CCDC7: variants seen among roughly 807,000 people sequenced by gnomAD.
CCDC7 encodes the protein coiled-coil domain-containing protein 7.
Under a neutral mutation model 196.9 loss-of-function variants are expected in CCDC7, and 183 were observed. The observed-to-expected ratio is 0.93, with a 90% CI of 0.82 to 1.05. The LOEUF is 1.05. Among genes scored for constraint, CCDC7 ranks in the 50% least tolerant of loss-of-function variants. The pLI, the probability that CCDC7 is intolerant of heterozygous loss-of-function variation, is 0.00. For synonymous variants in CCDC7, 525 were observed against 484.6 expected, an observed-to-expected ratio of 1.08 and a Z score of -1.10; for missense variants, 1,540 against 1,482.2, an observed-to-expected ratio of 1.04 and a Z score of -0.64.
At chr10:32,615,930 T>A (rs1043741330) in intron 18 of CCDC7, among the ~76,000 whole-genome samples, 4 of 152,110 alleles carry the variant, frequency 2.6e-5, no homozygotes, top group African/African-American at 9.6e-5. Context: ...AATTAGGATA[T>A]CTTTTCCTCA....
chr10:32,638,889 T>C (rs545617884), intron 20 of CCDC7, among the ~76,000 whole-genome samples: 2 of 152,334 alleles, frequency 1.3e-5, no homozygotes, highest in African/African-American at 4.8e-5. Context: ...AAGCTATTAA[T>C]TATTGCCTCT....
intron 39 of CCDC7, among the ~76,000 whole-genome samples, chr10:32,850,160 T>C (rs2093493187): frequency 6.6e-6 from 1 of 152,012 alleles, no homozygotes; most frequent in South Asian, 2.1e-4. Flanking sequence ...GAAGAACAAG[T>C]CTGTCCTTTT....
intron 28 of CCDC7, among the ~76,000 whole-genome samples, chr10:32,772,139 G>C (rs1430780214): frequency 6.6e-6 from 1 of 152,180 alleles, no homozygotes; most frequent in African/African-American, 2.4e-5. Context: ...CCTGTGCAGG[G>C]CAAGCAGCAA....
intron 6 of CCDC7, 43 bp from the exon 8 acceptor site, chr10:32,472,438 C>T (rs2133931382): frequency 1.3e-6 from 2 of 1,512,156 alleles, no homozygotes; most frequent in East Asian, 2.4e-5. Flanking sequence ...AACTCTTACT[C>T]TTTGATATAT....
intron 28 of CCDC7, among the ~76,000 whole-genome samples, chr10:32,778,411 A>T (rs1426130129): frequency 6.6e-6 from 1 of 152,234 alleles, no homozygotes; most frequent in East Asian, 1.9e-4. Context: ...ATGGCTTGCC[A>T]GCTATCCCAG....
At chr10:32,692,569 C>G (rs2077209405) in intron 23 of CCDC7, among the ~76,000 whole-genome samples, 2 of 152,124 alleles carry the variant, frequency 1.3e-5, no homozygotes, top group Admixed American at 1.3e-4. Flanking sequence ...CCTGCAGGCT[C>G]ACTAGTACCT....
intron 8 of CCDC7, among the ~76,000 whole-genome samples, chr10:32,486,285 T>G (rs2041070431): frequency 2.0e-5 from 3 of 151,862 alleles, no homozygotes; most frequent in Admixed American, 6.6e-5. Flanking sequence ...CTTTGTTGGT[T>G]TAAAGTCTGT....
Position 32,634,630 on chromosome 10 carries a change from C to T in CCDC7, c.1912+266C>T, listed in dbSNP as rs182707570. Among the ~76,000 whole-genome samples, 267 of 152,144 alleles carry T rather than the reference C, an allele frequency of 1.8e-3. 2 individuals carry two copies. Among genetic ancestry groups the T allele is most frequent in the African/African-American group, 4.8e-3 (199 of 41,522 alleles). ...CAGGCTGGTCTCGAACTCCTGACCT[C>T]GTGATCCACCCACCTTGGCCTCCCA... On this transcript the variant is annotated intron_variant, in intron 19 of 41. Transcript: ENST00000639629.
At chr10:32,818,243 G>T (rs1450220391) in intron 31 of CCDC7, among the ~76,000 whole-genome samples, 1 of 152,130 alleles carries the variant, frequency 6.6e-6, no homozygotes, top group East Asian at 1.9e-4. Flanking sequence ...GATAAAGAAG[G>T]CCATTACATA....
At chr10:32,837,544 AT>A (rs1236596726) in intron 33 of CCDC7, among the ~76,000 whole-genome samples, 1 of 151,762 alleles carries the variant, frequency 6.6e-6, no homozygotes, top group African/African-American at 2.4e-5. Flanking sequence ...AGAACTAGAA[AT>A]ACCATTTGAC....
In CCDC7 at chr10:32,759,544, T is replaced by G. The variant is rs561625993; in HGVS notation, c.2906-19433T>G. Among the ~76,000 whole-genome samples the G allele has an allele frequency of 6.0e-3, 915 of 152,212 alleles. 9 individuals carry two copies. Among genetic ancestry groups the G allele is most frequent in the African/African-American group, 0.021 (864 of 41,528 alleles). On this transcript the variant is annotated intron_variant, in intron 28 of 41. Coordinates refer to ENST00000639629, the Ensembl canonical transcript of CCDC7. ...GCTGGGAAAACTGGCTAGCCATATGTAGAAAGCTGAAACTGGATCCCTTCC... is the reference window on the plus strand; with the variant it reads ...GCTGGGAAAACTGGCTAGCCATATGGAGAAAGCTGAAACTGGATCCCTTCC...
intron 31 of CCDC7, among the ~76,000 whole-genome samples, chr10:32,822,111 A>C (rs1373040671): frequency 6.6e-6 from 1 of 152,218 alleles, no homozygotes; most frequent in Non-Finnish European, 1.5e-5. Flanking sequence ...TTCTAGCAGA[A>C]CTGTTTTCCA....
intron 24 of CCDC7, among the ~76,000 whole-genome samples, chr10:32,702,784 T>C (rs966108390): frequency 5.3e-5 from 8 of 152,228 alleles, no homozygotes; most frequent in Non-Finnish European, 5.9e-5. Context: ...CTTCTTTGTC[T>C]CTTTTGATCT....
chr10:32,689,808 C>T (rs1446274883), intron 23 of CCDC7, among the ~76,000 whole-genome samples: 7 of 151,904 alleles, frequency 4.6e-5, no homozygotes, highest in East Asian at 1.9e-4. Flanking sequence ...GATCTTGGCT[C>T]ACTGCAACCT....
chr10:32,710,766 A>C lies in CCDC7; in HGVS notation c.2459-854A>C, dbSNP rs1206764740. 3.3e-5 allele frequency among the ~76,000 whole-genome samples: 5 copies of C among 152,164 alleles called. No individual in the cohort carries two copies. In the East Asian group the frequency reaches 9.6e-4, roughly 29 times the overall value. On this transcript the variant is annotated intron_variant, in intron 24 of 41. Transcript: ENST00000639629. ...ATGCTTTTTGCTTTTCCAGAAAGGC[A>C]TTGTGCTTAATTGACCACCCTGCTC...
chr10:32,511,918 A>C (rs950431186), intron 9 of CCDC7: 1 of 592,438 alleles, frequency 1.7e-6, no homozygotes. Flanking sequence ...TATAGGATAA[A>C]ATATAGAAAC....
chr10:32,493,983 T>C (rs1479369652), intron 9 of CCDC7, among the ~76,000 whole-genome samples: 2 of 152,214 alleles, frequency 1.3e-5, no homozygotes, highest in Non-Finnish European at 2.9e-5. Flanking sequence ...TCCCATTCCA[T>C]AGTTTGTATC....
intron 41 of CCDC7, among the ~76,000 whole-genome samples, chr10:32,869,987 G>T (rs1205915328): frequency 6.6e-6 from 1 of 152,078 alleles, no homozygotes; most frequent in East Asian, 1.9e-4. Context: ...CATGCTCTTT[G>T]CTTACTGTAG....
rs143424181 is a variant in CCDC7, at chr10:32,641,367, C to T, written c.2014+6209C>T. On this transcript the variant is annotated intron_variant, in intron 20 of 41. Transcript: ENST00000639629. ...TGTTCGTTTCTTTTTATTGTTTTTT[C>T]TCTAAACTTCTCTTCTCACTTCATT... is the stretch of plus-strand genomic sequence containing the variant. 5.3e-3 allele frequency among the ~76,000 whole-genome samples: 801 copies of T among 152,178 alleles called. 3 individuals are homozygous for T. The highest frequency in any genetic ancestry group is 0.018 in the South Asian group (85 of 4,822).
Sources: gnomAD v4.1 joint callset for allele counts (sites outside exome capture counted in the v4.1 genomes callset) on GRCh38, gnomAD v4.1.1 for gene constraint, MANE v1.5 for transcripts, NCBI Gene and HGNC (gene_info 2026-07-23, HGNC 2026-07-21) for gene names.